DDR2: variants seen among roughly 807,000 people sequenced by gnomAD.
The protein encoded by DDR2 is discoidin domain-containing receptor 2.
Under a neutral mutation model 94.9 loss-of-function variants are expected in DDR2, and 27 were observed. The ratio of observed to expected loss-of-function variants is 0.28; its 90% confidence interval spans 0.21 to 0.39. The LOEUF (loss-of-function observed/expected upper bound fraction) is 0.39, where lower values mean the gene tolerates loss of function less well. Ranked by LOEUF, DDR2 falls within the 10% of genes least tolerant of loss-of-function variation. DDR2 has a pLI of 1.00. For synonymous variants in DDR2, 382 were observed against 377.2 expected (o/e 1.01, Z -0.15); for missense variants, 783 against 1,076.0 (o/e 0.73, Z 3.81).
chr1:162,640,317 A>G lies in DDR2; in HGVS notation c.-192+7686A>G, dbSNP rs1466962253. Among the ~76,000 whole-genome samples, 4 of 152,064 alleles carry G rather than the reference A, an allele frequency of 2.6e-5. No homozygotes were observed. The East Asian group carries it at 7.7e-4, about 29-fold the overall frequency. The stretch of plus-strand genomic sequence containing the variant: ...AGCCTCCCAACGTGCTGGGATTGCA[A>G]GTGTGAGCCACCGCGCCCAGCTGAA... On this transcript the variant is annotated intron_variant, in intron 1 of 17. Transcript: ENST00000367921.
intron 3 of DDR2, among the ~76,000 whole-genome samples, chr1:162,734,891 C>G (rs1305747296): frequency 6.6e-6 from 1 of 152,034 alleles, no homozygotes; most frequent in African/African-American, 2.4e-5. Flanking sequence ...TTTTAGGAAG[C>G]TAATTTGGGC....
At chr1:162,636,386 A>G (rs764259773) in intron 1 of DDR2, among the ~76,000 whole-genome samples, 118 of 152,192 alleles carry the variant, frequency 7.8e-4, no homozygotes, top group Non-Finnish European at 1.4e-3. Context: ...TCTCCTGGAA[A>G]TTGGATATTG....
At chr1:162,672,465 A>T (rs1194738695) in intron 2 of DDR2, among the ~76,000 whole-genome samples, 1 of 152,184 alleles carries the variant, frequency 6.6e-6, no homozygotes, top group East Asian at 1.9e-4. Flanking sequence ...GCCTGGATCT[A>T]CACAAACTAC....
At chr1:162,745,916 T>G (rs1662836579) in intron 3 of DDR2, among the ~76,000 whole-genome samples, 1 of 152,240 alleles carries the variant, frequency 6.6e-6, no homozygotes, top group Admixed American at 6.5e-5. Context: ...AATTGTTCTT[T>G]TTTTTCTTAC....
intron 2 of DDR2, among the ~76,000 whole-genome samples, chr1:162,667,618 G>A (rs899974927): frequency 3.3e-5 from 5 of 152,222 alleles, no homozygotes. Context: ...TGCACTGGTG[G>A]TGAGTGAGGG....
rs1395561928 is a variant in DDR2, at chr1:162,717,429, T to C, written c.-27-1608T>C. 4.6e-5 allele frequency among the ~76,000 whole-genome samples: 7 copies of C among 152,338 alleles called. No individual in the cohort carries two copies. The East Asian group carries it at 1.3e-3, about 29-fold the overall frequency. The stretch of plus-strand genomic sequence containing the variant: ...TCCAGTTTCCCCTATTATTATCATC[T>C]TATATTAACATAGTACATTTGTCAA... On this transcript the variant is annotated intron_variant, in intron 2 of 17. Transcript: ENST00000367921.
At position 162,695,410 on chromosome 1, in the gene DDR2, T is replaced by C. The variant is rs529572014; in HGVS notation, c.-27-23627T>C. On this transcript the variant is annotated intron_variant, in intron 2 of 17. Transcript: ENST00000367921. ...CCACGCCGGCTAATTTTTGTATTTT[T>C]AGTAGAGATGGGGTTTCACCATGTT... is the stretch of plus-strand genomic sequence containing the variant. 2.2e-4 allele frequency among the ~76,000 whole-genome samples: 33 copies of C among 152,242 alleles called. No homozygotes were observed. In the East Asian group the frequency reaches 6.2e-3, roughly 29 times the overall value.
chr1:162,631,761 A>AT (rs571624381), upstream of DDR2, among the ~76,000 whole-genome samples: 59 of 152,320 alleles, frequency 3.9e-4, no homozygotes, highest in Non-Finnish European at 7.1e-4. Flanking sequence ...GGGAAAAAAA[A>AT]GTTCACAAAA....
chr1:162,713,362 A>G (rs554832565), intron 2 of DDR2, among the ~76,000 whole-genome samples: 1 of 152,332 alleles, frequency 6.6e-6, no homozygotes, highest in South Asian at 2.1e-4. Context: ...CAGAAAAGCT[A>G]ATATAAATGA....
chr1:162,656,852 T>TA (rs958019406), intron 2 of DDR2, among the ~76,000 whole-genome samples: 3 of 130,240 alleles, frequency 2.3e-5, no homozygotes, highest in African/African-American at 8.0e-5. Flanking sequence ...TTTTTTTTAT[T>TA]TTTTTTGTTA....
intron 10 of DDR2, 118 bp downstream of exon 10, chr1:162,766,181 T>G: frequency 9.6e-7 from 1 of 1,043,806 alleles, no homozygotes; most frequent in Non-Finnish European, 1.5e-6. Context: ...TGGCTTTGGA[T>G]GAAGAGTAGC....
intron 2 of DDR2, among the ~76,000 whole-genome samples, chr1:162,673,919 T>A (rs952572546): frequency 6.6e-5 from 10 of 152,030 alleles, no homozygotes; most frequent in African/African-American, 2.4e-4. Flanking sequence ...CCTGGCCCCT[T>A]TTTCTTCCCT....
intron 2 of DDR2, among the ~76,000 whole-genome samples, chr1:162,683,067 T>C (rs1244066712): frequency 1.3e-5 from 2 of 152,226 alleles, no homozygotes; most frequent in African/African-American, 4.8e-5. Context: ...ATTCTAAGTA[T>C]GCAAGACTGG....
intron 2 of DDR2, among the ~76,000 whole-genome samples, chr1:162,671,054 G>C (rs1407662577): frequency 6.6e-6 from 1 of 152,180 alleles, no homozygotes; most frequent in Non-Finnish European, 1.5e-5. Flanking sequence ...AGTGGCTGTG[G>C]CTTGGCCTCT....
At chr1:162,672,585 T>C (rs60143577) in intron 2 of DDR2, among the ~76,000 whole-genome samples, 4 of 152,022 alleles carry the variant, frequency 2.6e-5, no homozygotes, top group Admixed American at 1.3e-4. Flanking sequence ...TGTATACACA[T>C]ATATACATAT....
intron 1 of DDR2, among the ~76,000 whole-genome samples, chr1:162,633,033 T>C (rs897489411): frequency 1.6e-4 from 24 of 152,296 alleles, no homozygotes; most frequent in African/African-American, 5.5e-4. Context: ...GTAGTGGTGT[T>C]AGAAGGTCCT....
chr1:162,647,642 T>G (rs1241858103), intron 1 of DDR2, among the ~76,000 whole-genome samples: 3 of 152,250 alleles, frequency 2.0e-5, no homozygotes, highest in African/African-American at 7.2e-5. Context: ...GGATTTCCTT[T>G]GGAACTGAGG....
At chr1:162,770,851 A>T in intron 12 of DDR2, 2 of 374,928 alleles carry the variant, frequency 5.3e-6, no homozygotes, top group Non-Finnish European at 1.0e-5. Flanking sequence ...GAAAGTCCAG[A>T]TAGAGTACTC....
chr1:162,724,233 C>T (rs1169286762), intron 3 of DDR2, among the ~76,000 whole-genome samples: 1 of 152,130 alleles, frequency 6.6e-6, no homozygotes, highest in Admixed American at 6.5e-5. Flanking sequence ...TCTACCTGGG[C>T]CCTCAGGGAG....
Sources: allele counts gnomAD v4.1 joint callset (sites outside exome capture counted in the v4.1 genomes callset), GRCh38; gene constraint gnomAD v4.1.1; transcripts MANE v1.5; gene names NCBI Gene and HGNC (gene_info 2026-07-23, HGNC 2026-07-21).